SMG6: variants seen among roughly 807,000 people sequenced by gnomAD.
SMG6 encodes the protein SMG6 nonsense mediated mRNA decay factor, also known as telomerase-binding protein EST1A.
SMG6 carries 66 observed loss-of-function variants against 142.2 expected under a neutral mutation model. The ratio of observed to expected loss-of-function variants is 0.46; its 90% CI spans 0.38 to 0.57. SMG6 has a LOEUF of 0.57. SMG6 is among the 20% of genes least tolerant of loss of function. The pLI, the probability that SMG6 is intolerant of heterozygous loss-of-function variation, is 0.00. For missense variants in SMG6, 1,793 were observed against 1,832.0 expected (o/e 0.98, Z 0.39); for synonymous variants, 779 against 702.4 (o/e 1.11, Z -1.72).
At chr17:2,251,640 T>C (rs759437516) in intron 8 of SMG6, among the ~76,000 whole-genome samples, 4 of 152,210 alleles carry the variant, frequency 2.6e-5, no homozygotes, top group South Asian at 2.1e-4. Context: ...CTGCCTCTTA[T>C]ACTAAAGCAA....
chr17:2,182,383 A>T (rs1408489778), intron 12 of SMG6, among the ~76,000 whole-genome samples: 1 of 152,108 alleles, frequency 6.6e-6, no homozygotes, highest in African/African-American at 2.4e-5. Flanking sequence ...GAAACCTAGG[A>T]GGGCCCACAG....
Position 2,188,428 on chromosome 17 carries a change from C to T in SMG6, c.2957G>A (p.Cys986Tyr). 6.2e-7 allele frequency: 1 copy of T among 1,614,080 alleles called. No individual in the cohort carries two copies. The highest frequency in any genetic ancestry group is 1.1e-5 in the South Asian group (1 of 91,080). Residue 986 changes from cysteine (C) to tyrosine (Y), a missense_variant, in exon 11 of 19, where the codon TGC becomes TAC. By Grantham distance (194) the Cys-to-Tyr change is radical (BLOSUM62 -2). Coordinates refer to ENST00000263073, the MANE Select transcript of SMG6 (RefSeq NM_017575.5). ...GGCGGACTCCTTAAGTAAGCAGGTG[C>T]AGCGGCGGACCAGTAGAGAAAACAT... is the stretch of plus-strand genomic sequence containing the variant. The part of the protein sequence containing the change: ...LAMFSLLVRR[C>Y]TCLLKESAKA...
intron 13 of SMG6, among the ~76,000 whole-genome samples, chr17:2,159,127 T>C (rs893298865): frequency 2.6e-5 from 4 of 152,048 alleles, no homozygotes; most frequent in Admixed American, 6.6e-5. Context: ...GGAAAATGAC[T>C]ATTAAAACTA....
chr17:2,123,783 T>C (rs2069779734), intron 13 of SMG6, among the ~76,000 whole-genome samples: 1 of 152,050 alleles, frequency 6.6e-6, no homozygotes, highest in Non-Finnish European at 1.5e-5. Context: ...AGTGTGTTTG[T>C]GTATATGTTT....
intron 8 of SMG6, among the ~76,000 whole-genome samples, chr17:2,251,770 CT>C (rs1426570109): frequency 6.6e-6 from 1 of 152,206 alleles, no homozygotes; most frequent in African/African-American, 2.4e-5. Context: ...CTCAGAGTAC[CT>C]GGCTGGCTCT....
intron 13 of SMG6, chr17:2,087,840 C>T (rs1231568275): frequency 1.0e-6 from 1 of 985,762 alleles, no homozygotes; most frequent in African/African-American, 1.7e-5. Context: ...TGCATTTCCA[C>T]AAGACTGCCA....
chr17:2,236,114 A>G (rs920516998), intron 10 of SMG6: 2 of 157,678 alleles, frequency 1.3e-5, no homozygotes, highest in African/African-American at 4.8e-5. Context: ...GCTATTCCCA[A>G]TCCCTGCCAA....
At chr17:2,180,353 T>C (rs1567662972) in intron 12 of SMG6, among the ~76,000 whole-genome samples, 1 of 152,182 alleles carries the variant, frequency 6.6e-6, no homozygotes, top group Non-Finnish European at 1.5e-5. Flanking sequence ...TATAATCCTC[T>C]ATACCAATAA....
chr17:2,191,174 T>C (rs1328196519), intron 10 of SMG6, among the ~76,000 whole-genome samples: 1 of 152,222 alleles, frequency 6.6e-6, no homozygotes, highest in Non-Finnish European at 1.5e-5. Flanking sequence ...CACGGCAACT[T>C]GGATCCAGTG....
intron 10 of SMG6, among the ~76,000 whole-genome samples, chr17:2,216,206 G>C (rs2073015277): frequency 6.6e-6 from 1 of 152,152 alleles, no homozygotes; most frequent in African/African-American, 2.4e-5. Flanking sequence ...CGATGGTAAA[G>C]CAGCTACCCC....
intron 8 of SMG6, among the ~76,000 whole-genome samples, chr17:2,277,560 T>A (rs941861845): frequency 1.3e-5 from 2 of 152,204 alleles, no homozygotes; most frequent in Non-Finnish European, 2.9e-5. Flanking sequence ...TGAGAAAGTT[T>A]TTGAGGTTTG....
Position 2,251,957 on chromosome 17 carries a change from C to T in SMG6, c.2662-7238G>A, listed in dbSNP as rs565656365. On this transcript the variant is annotated intron_variant, in intron 8 of 18. Transcript: ENST00000263073. ...TCTCTACTAAAAATACAAAATTAGCCGGGCGTGGTGGCTCATGCCTGTAAT... is the reference window on the plus strand; with the variant it reads ...TCTCTACTAAAAATACAAAATTAGCTGGGCGTGGTGGCTCATGCCTGTAAT... 8.5e-5 allele frequency among the ~76,000 whole-genome samples: 13 copies of T among 152,092 alleles called. No homozygotes were observed. The East Asian group carries it at 2.3e-3, about 27-fold the overall frequency.
chr17:2,170,248 C>T (rs2151646210), intron 13 of SMG6, among the ~76,000 whole-genome samples: 1 of 152,308 alleles, frequency 6.6e-6, no homozygotes. Flanking sequence ...ACTACATAGG[C>T]TGAGGGCTGG....
At chr17:2,151,363 G>A (rs965941386) in intron 13 of SMG6, among the ~76,000 whole-genome samples, 1 of 152,172 alleles carries the variant, frequency 6.6e-6, no homozygotes, top group Non-Finnish European at 1.5e-5. Context: ...TTCATGAGCA[G>A]AAAAAGAAAG....
chr17:2,124,740 C>A (rs2069816945), intron 13 of SMG6, among the ~76,000 whole-genome samples: 1 of 152,176 alleles, frequency 6.6e-6, no homozygotes, highest in South Asian at 2.1e-4. Context: ...CCGCATCCTA[C>A]CATTACTTCT....
intron 10 of SMG6, among the ~76,000 whole-genome samples, chr17:2,221,153 A>G (rs150576312): frequency 5.3e-5 from 8 of 152,180 alleles, no homozygotes; most frequent in Non-Finnish European, 1.0e-4. Flanking sequence ...CAGGGTTAAG[A>G]GCTGATATGG....
At chr17:2,298,823 G>C in intron 2 of SMG6, 83 bp downstream of exon 2, 1 of 1,371,900 alleles carries the variant, frequency 7.3e-7, no homozygotes, top group Non-Finnish European at 9.9e-7. Flanking sequence ...CAGCTAAAAA[G>C]TTTCTACCTT....
chr17:2,189,826 G>A (rs1208065540), intron 10 of SMG6, among the ~76,000 whole-genome samples: 1 of 149,594 alleles, frequency 6.7e-6, no homozygotes, highest in Admixed American at 6.6e-5. Context: ...TGCTCAGAAG[G>A]GCCCAACAAA....
intron 12 of SMG6, among the ~76,000 whole-genome samples, chr17:2,183,970 C>T (rs2071889007): frequency 2.0e-5 from 3 of 152,182 alleles, no homozygotes; most frequent in Admixed American, 2.0e-4. Context: ...GACATAGTTA[C>T]ACACAAACAT....
Sources: allele counts gnomAD v4.1 joint callset (sites outside exome capture counted in the v4.1 genomes callset), GRCh38; gene constraint gnomAD v4.1.1; transcripts MANE v1.5; gene names NCBI Gene and HGNC (gene_info 2026-07-23, HGNC 2026-07-21).